The following PRXL2C variants were observed in gnomAD, a reference collection of about 807,000 sequenced individuals.
PRXL2C encodes peroxiredoxin-like 2C.
PRXL2C carries 38 observed loss-of-function variants against 24.9 expected under a neutral mutation model. That is an observed-to-expected ratio of 1.53 (90% CI 1.18 to 2.00). The LOEUF (loss-of-function observed/expected upper bound fraction) is 2.00, where lower values mean the gene tolerates loss of function less well. Ranked by LOEUF, PRXL2C falls within the 30% of genes most tolerant of loss-of-function variation. The pLI is 0.00. For synonymous variants in PRXL2C, 98 were observed against 117.2 expected (o/e 0.84, Z 1.06); for missense variants, 294 against 290.9 (o/e 1.01, Z -0.08).
intron 1 of PRXL2C, 70 bp downstream of exon 1, chr9:96,655,020 C>T: frequency 1.4e-6 from 2 of 1,401,522 alleles, no homozygotes; most frequent in Non-Finnish European, 1.8e-6. Context: ...GCAGGAGGCG[C>T]GGCTCGCATC....
chr9:96,654,732 C>T lies in PRXL2C; in HGVS notation c.234G>A (p.Leu78=). The stretch of plus-strand genomic sequence containing the variant: ...GTAAGAAACTCCTGGGGATTTTGGC[C>T]AGATCCTCTACGTATTCCTTGCAGA... ...CYICKEYVED[L]AKIPRSFLQE... The change falls in exon 2 of 6, where the codon CTG becomes CTA. Residue 78 remains leucine (L), a synonymous_variant. Coordinates refer to ENST00000375234, the MANE Select transcript of PRXL2C (RefSeq NM_153698.2). 1 of 1,566,838 alleles carries T rather than the reference C, an allele frequency of 6.4e-7. No homozygotes were observed. The highest frequency in any genetic ancestry group is 1.2e-5 in the South Asian group (1 of 85,050).
intron 2 of PRXL2C, 44 bp downstream of exon 2, chr9:96,654,661 G>C: frequency 6.5e-7 from 1 of 1,534,880 alleles, no homozygotes; most frequent in East Asian, 2.5e-5. Context: ...CGCTCGCAAG[G>C]TCTGCAGAAG....
Position 96,655,135 on chromosome 9 carries a change from G to A in PRXL2C, c.147C>T (p.Phe49=). The A allele has an allele frequency of 2.2e-6, 3 of 1,376,948 alleles. No individual in the cohort carries two copies. The highest frequency in any genetic ancestry group is 2.8e-6 in the Non-Finnish European group (3 of 1,069,054). The allele number at this position is 1,376,948 out of a possible 1,614,324, so 85.3% of individuals were successfully genotyped here. ...VLDARGQRVP[F]GALFRERRAV... ...CGCGGCGCTCCCGGAACAGCGCGCC[G>A]AACGGTACCCGCTGCCCGCGGGCGT... The change falls in exon 1 of 6, where the codon TTC becomes TTT. Residue 49 remains phenylalanine, a synonymous_variant. Transcript: ENST00000375234.
At position 96,654,756 on chromosome 9, in the gene PRXL2C, G is replaced by A. The variant is rs1156662043; in HGVS notation, c.210C>T (p.Ile70=). The A allele has an allele frequency of 2.6e-6, 4 of 1,565,984 alleles. No homozygotes were observed. Among genetic ancestry groups the A allele is most frequent in the South Asian group, 2.4e-5 (2 of 84,964 alleles). ...VVFVRHFLCY[I]CKEYVEDLAK... ...CCAGATCCTCTACGTATTCCTTGCA[G>A]ATGTAACACAGGAAATGCTGAAAGC... The change falls in exon 2 of 6, where the codon ATC becomes ATT. Residue 70 remains isoleucine (I), a synonymous_variant. Transcript: ENST00000375234.
At chr9:96,643,225 C>A (rs1848143022) in intron 5 of PRXL2C, among the ~76,000 whole-genome samples, 1 of 152,046 alleles carries the variant, frequency 6.6e-6, no homozygotes, top group African/African-American at 2.4e-5. Context: ...ACAAATGATG[C>A]TCTCCATGTG....
At chr9:96,646,106 C>A in intron 4 of PRXL2C, 82 bp from the exon 5 acceptor site, 1 of 1,358,414 alleles carries the variant, frequency 7.4e-7, no homozygotes, top group Non-Finnish European at 1.0e-6. Context: ...AGAAAACATT[C>A]TCTTTCTTCC....
chr9:96,648,047 G>A (rs7864257), intron 4 of PRXL2C, among the ~76,000 whole-genome samples: 8,561 of 152,026 alleles, frequency 0.056, 800 homozygotes, highest in African/African-American at 0.19. Context: ...AGGGAGTACA[G>A]GCATGCACCA....
At chr9:96,645,798 A>AAC in intron 5 of PRXL2C, 95 bp downstream of exon 5, 1 of 307,308 alleles carries the variant, frequency 3.3e-6, no homozygotes, top group South Asian at 1.0e-4. Context: ...CTCCCTCTCG[A>AAC]AAAAAAAAAA....
chr9:96,655,107 C>CG lies in PRXL2C; in HGVS notation c.174dup (p.Val59ArgfsTer47). The CG allele has an allele frequency of 2.1e-6, 3 of 1,434,056 alleles. No homozygotes were observed. Among genetic ancestry groups the CG allele is most frequent in the Non-Finnish European group, 2.7e-6 (3 of 1,097,706 alleles). 88.8% of individuals were successfully genotyped at this position (1,434,056 alleles called of 1,614,324 possible). ...CCGCTCACCCGCACGAACACCACCA[C>CG]GGCGCGGCGCTCCCGGAACAGCGCG... On this transcript the variant is annotated frameshift_variant, in exon 1 of 6. Coordinates refer to ENST00000375234, the MANE Select transcript of PRXL2C (RefSeq NM_153698.2). LOFTEE classifies it high-confidence loss of function.
intron 2 of PRXL2C, among the ~76,000 whole-genome samples, chr9:96,653,280 G>A (rs572843359): frequency 6.6e-6 from 1 of 151,350 alleles, no homozygotes; most frequent in South Asian, 2.1e-4. Flanking sequence ...TCATAAAAAA[G>A]AAAGACATTT....
In PRXL2C at chr9:96,640,516, C is replaced by CAAAAAAA. The variant is rs34951542; in HGVS notation, c.*1236_*1242dup. 1 of 12,502 alleles carries CAAAAAAA rather than the reference C, an allele frequency of 8.0e-5. No individual in the cohort carries two copies. Among genetic ancestry groups the CAAAAAAA allele is most frequent in the African/African-American group, 4.3e-4 (1 of 2,352 alleles). The allele number at this position is 12,502 out of a possible 1,614,324, so 0.8% of individuals were successfully genotyped here. A position where few individuals can be genotyped will look rare whatever the true frequency, so the allele number is the denominator to read the frequency against. ...TGGGCGACAGAGCAAGACTCCATCT[C>CAAAAAAA]AAAAAAAAAAAAAAAAAAAAAAAAA... On this transcript the variant is annotated 3_prime_UTR_variant, in exon 6 of 6. Transcript: ENST00000375234.
intron 4 of PRXL2C, among the ~76,000 whole-genome samples, chr9:96,650,239 G>A (rs1323732662): frequency 1.3e-5 from 2 of 152,188 alleles, no homozygotes; most frequent in African/African-American, 4.8e-5. Context: ...TGGGGACTAT[G>A]TATTTTATCA....
Position 96,655,149 on chromosome 9 carries a change from G to A in PRXL2C, c.133C>T (p.Gln45Ter), listed in dbSNP as rs766986542. ...AELPVLDARG[Q>*]RVPFGALFRE... ...AACAGCGCGCCGAACGGTACCCGCT[G>A]CCCGCGGGCGTCCAGCACCGGCAGC... is the stretch of plus-strand genomic sequence containing the variant. Residue 45 changes from glutamine (Q) to a stop codon, truncating the protein, a stop_gained, in exon 1 of 6, where the codon CAG becomes TAG. Transcript: ENST00000375234. LOFTEE classifies it high-confidence loss of function. 1 of 1,317,500 alleles carries A rather than the reference G, an allele frequency of 7.6e-7. No homozygotes were observed. Among genetic ancestry groups the A allele is most frequent in the Non-Finnish European group, 9.6e-7 (1 of 1,039,102 alleles). 81.6% of individuals were successfully genotyped at this position (1,317,500 alleles called of 1,614,324 possible).
Position 96,655,085 on chromosome 9 carries a change from C to A in PRXL2C, c.192+5G>T. 6.9e-7 allele frequency: 1 copy of A among 1,455,360 alleles called. No individual in the cohort carries two copies. 90.2% of individuals were successfully genotyped at this position (1,455,360 alleles called of 1,614,324 possible). Reference sequence around the variant, plus strand: ...GCTTCCCTTCCAGCCCCGCCGCCCGCTCACCCGCACGAACACCACCACGGC... The same window carrying A: ...GCTTCCCTTCCAGCCCCGCCGCCCGATCACCCGCACGAACACCACCACGGC... On this transcript the variant is annotated splice_donor_5th_base_variant and intron_variant, in intron 1 of 5. Coordinates refer to ENST00000375234, the MANE Select transcript of PRXL2C (RefSeq NM_153698.2).
In PRXL2C at chr9:96,655,147, C is replaced by T. The variant is rs976401932; in HGVS notation, c.135G>A (p.Gln45=). 5 of 1,331,844 alleles carry T rather than the reference C, an allele frequency of 3.8e-6. No individual in the cohort carries two copies. The African/African-American group carries it at 7.7e-5, about 21-fold the overall frequency. 82.5% of individuals were successfully genotyped at this position (1,331,844 alleles called of 1,614,324 possible). ...GGAACAGCGCGCCGAACGGTACCCG[C>T]TGCCCGCGGGCGTCCAGCACCGGCA... is the stretch of plus-strand genomic sequence containing the variant. ...AELPVLDARG[Q]RVPFGALFRE... The change falls in exon 1 of 6, where the codon CAG becomes CAA. Residue 45 remains glutamine, a synonymous_variant. Transcript: ENST00000375234.
chr9:96,645,991 G>T lies in PRXL2C; in HGVS notation c.455C>A (p.Ser152Ter), dbSNP rs200056188. The T allele has an allele frequency of 2.5e-6, 4 of 1,613,218 alleles. No individual in the cohort carries two copies. Among genetic ancestry groups the T allele is most frequent in the Non-Finnish European group, 3.4e-6 (4 of 1,179,776 alleles). Reference sequence around the variant, plus strand: ...CCGCCACAGGCTCTGAAGGCTTCCTGAGAGTAGATTTGATTTTATGTGGGG... The same window carrying T: ...CCGCCACAGGCTCTGAAGGCTTCCTTAGAGTAGATTTGATTTTATGTGGGG... ...QSPHIKSNLL[S>*]GSLQSLWRAV... is the part of the protein sequence containing the mutation. The change falls in exon 5 of 6, where the codon TCA becomes TAA. Residue 152 changes from serine to a stop codon, truncating the protein, a stop_gained. Transcript: ENST00000375234. LOFTEE classifies it high-confidence loss of function.
chr9:96,646,911 C>G (rs539641761), intron 4 of PRXL2C, among the ~76,000 whole-genome samples: 13 of 152,310 alleles, frequency 8.5e-5, no homozygotes, highest in African/African-American at 2.6e-4. Context: ...CTACCTCAGC[C>G]TCCCAAGTGG....
chr9:96,650,522 A>G (rs922869257), intron 4 of PRXL2C, among the ~76,000 whole-genome samples: 2 of 152,080 alleles, frequency 1.3e-5, no homozygotes, highest in African/African-American at 4.8e-5. Context: ...AGTATATAAT[A>G]AAGTGCAGGG....
chr9:96,653,451 G>T (rs1848302273), intron 2 of PRXL2C, among the ~76,000 whole-genome samples: 1 of 152,218 alleles, frequency 6.6e-6, no homozygotes, highest in East Asian at 1.9e-4. Flanking sequence ...CAGGGATAAG[G>T]AAAAGGGAGG....
Sources: gnomAD v4.1 joint callset for allele counts (sites outside exome capture counted in the v4.1 genomes callset) on GRCh38, gnomAD v4.1.1 for gene constraint, MANE v1.5 for transcripts, NCBI Gene and HGNC (gene_info 2026-07-23, HGNC 2026-07-21) for gene names.